CHN1: variants seen among roughly 807,000 people sequenced by gnomAD.
CHN1 encodes N-chimaerin.
A neutral mutation model predicts 59.5 loss-of-function variants in CHN1; 37 were observed. The ratio of observed to expected loss-of-function variants is 0.62; its 90% confidence interval spans 0.48 to 0.82. The LOEUF (loss-of-function observed/expected upper bound fraction) is 0.82, where lower values mean the gene tolerates loss of function less well. Among genes scored for constraint, CHN1 ranks in the 40% least tolerant of loss-of-function variants. The pLI, the probability that CHN1 is intolerant of heterozygous loss-of-function variation, is 0.00. For missense variants in CHN1, 469 were observed against 571.0 expected (o/e 0.82, Z 1.82); for synonymous variants, 206 against 200.4 (o/e 1.03, Z -0.24).
At chr2:175,004,808 C>T in intron 1 of CHN1, 86 bp downstream of exon 1, 2 of 830,440 alleles carry the variant, frequency 2.4e-6, no homozygotes, top group Non-Finnish European at 3.0e-6. Context: ...CGCCCCCTCC[C>T]CGGGCGCCCA....
chr2:174,921,056 C>T, intron 3 of CHN1: 2 of 397,594 alleles, frequency 5.0e-6, no homozygotes, highest in African/African-American at 2.0e-5. Flanking sequence ...TGAGAGGAGG[C>T]AGAGCTCAGG....
intron 7 of CHN1, among the ~76,000 whole-genome samples, chr2:174,831,723 G>A (rs924476621): frequency 6.6e-6 from 1 of 151,800 alleles, no homozygotes; most frequent in African/African-American, 2.4e-5. Flanking sequence ...TGATAGTTTT[G>A]CCTCCAAACT....
intron 6 of CHN1, among the ~76,000 whole-genome samples, chr2:174,852,961 A>G (rs969765575): frequency 3.9e-5 from 6 of 152,190 alleles, no homozygotes; most frequent in African/African-American, 1.4e-4. Context: ...AACATGGATT[A>G]AAGATTTAAA....
chr2:174,818,691 CATAGA>C (rs1345428709), intron 8 of CHN1, among the ~76,000 whole-genome samples: 1 of 151,966 alleles, frequency 6.6e-6, no homozygotes, highest in African/African-American at 2.4e-5. Context: ...AGTTAATAAG[CATAGA>C]ATAAACATAT....
chr2:174,888,959 T>C (rs908783577), intron 5 of CHN1, among the ~76,000 whole-genome samples: 5 of 152,082 alleles, frequency 3.3e-5, no homozygotes, highest in Non-Finnish European at 5.9e-5. Flanking sequence ...GAGTGGAGTA[T>C]GAATATGGTG....
chr2:174,879,794 G>T (rs1000955594), intron 5 of CHN1, among the ~76,000 whole-genome samples: 6 of 152,146 alleles, frequency 3.9e-5, no homozygotes, highest in Admixed American at 3.9e-4. Context: ...CTCCTGCTGG[G>T]ACTTACGATT....
At chr2:174,989,808 C>T (rs1291683029) in intron 1 of CHN1, among the ~76,000 whole-genome samples, 1 of 151,688 alleles carries the variant, frequency 6.6e-6, no homozygotes, top group East Asian at 1.9e-4. Context: ...AAAAAAGTTG[C>T]ATGTTTATCT....
chr2:174,807,191 T>C (rs1406462442), intron 11 of CHN1, among the ~76,000 whole-genome samples: 1 of 152,096 alleles, frequency 6.6e-6, no homozygotes. Context: ...GAGAGGTCAT[T>C]TGGAATTGTG....
At chr2:174,889,591 A>G (rs1687988688) in intron 5 of CHN1, among the ~76,000 whole-genome samples, 1 of 152,192 alleles carries the variant, frequency 6.6e-6, no homozygotes, top group African/African-American at 2.4e-5. Flanking sequence ...ATGGATTAAA[A>G]AGGGATTCAA....
intron 1 of CHN1, among the ~76,000 whole-genome samples, chr2:174,961,504 T>G (rs1690406768): frequency 6.6e-6 from 1 of 151,650 alleles, no homozygotes; most frequent in Non-Finnish European, 1.5e-5. Flanking sequence ...GGCAGGAGAA[T>G]CGCTTGAACC....
At chr2:174,998,570 A>C (rs114010512) in intron 1 of CHN1, among the ~76,000 whole-genome samples, 1,549 of 152,306 alleles carry the variant, frequency 0.01, 31 homozygotes, top group African/African-American at 0.036. Context: ...GAGAAAGGAA[A>C]CACTTTCAGC....
intron 1 of CHN1, among the ~76,000 whole-genome samples, chr2:174,971,586 G>A (rs1341171392): frequency 6.6e-6 from 1 of 152,132 alleles, no homozygotes; most frequent in East Asian, 1.9e-4. Flanking sequence ...CACTTACAAT[G>A]TGCCAGTCTT....
chr2:174,802,864 C>G (rs938037699), intron 11 of CHN1, among the ~76,000 whole-genome samples: 1 of 152,006 alleles, frequency 6.6e-6, no homozygotes, highest in Admixed American at 6.5e-5. Context: ...ATGGTGAAAC[C>G]CCGTCTCTAC....
At chr2:174,828,824 CAGAG>C (rs1033937388) in intron 7 of CHN1, among the ~76,000 whole-genome samples, 1 of 152,162 alleles carries the variant, frequency 6.6e-6, no homozygotes, top group East Asian at 1.9e-4. Flanking sequence ...TAGATCACAA[CAGAG>C]AGTGACTTTT....
chr2:174,896,295 C>A (rs888440381), intron 5 of CHN1, among the ~76,000 whole-genome samples: 2 of 152,078 alleles, frequency 1.3e-5, no homozygotes, highest in African/African-American at 4.8e-5. Context: ...AAAACACAAA[C>A]CTCTTTGCTT....
chr2:174,918,653 A>C (rs1688918609), intron 3 of CHN1, 88 bp from the exon 4 acceptor site: 9 of 1,060,902 alleles, frequency 8.5e-6, no homozygotes, highest in Admixed American at 2.6e-5. Context: ...GACAAAGTAA[A>C]GCATATATTA....
intron 1 of CHN1, among the ~76,000 whole-genome samples, chr2:174,988,817 T>A (rs1228835002): frequency 6.6e-6 from 1 of 152,200 alleles, no homozygotes. Flanking sequence ...TGTATATTGC[T>A]GTAATTTAGG....
At chr2:174,919,998 T>A (rs1688962992) in intron 3 of CHN1, among the ~76,000 whole-genome samples, 1 of 152,188 alleles carries the variant, frequency 6.6e-6, no homozygotes, top group Non-Finnish European at 1.5e-5. Context: ...TTCTTGCTAC[T>A]ACGAATTCAA....
chr2:174,876,768 G>A (rs1354408025), intron 6 of CHN1, among the ~76,000 whole-genome samples: 3 of 152,154 alleles, frequency 2.0e-5, no homozygotes, highest in African/African-American at 7.2e-5. Context: ...TCAGATGGCT[G>A]CTATATAATA....
Sources: allele counts gnomAD v4.1 joint callset (sites outside exome capture counted in the v4.1 genomes callset), GRCh38; gene constraint gnomAD v4.1.1; transcripts MANE v1.5; gene names NCBI Gene and HGNC (gene_info 2026-07-23, HGNC 2026-07-21).